The following HECTD4 variants were observed in gnomAD, a reference collection of about 807,000 sequenced individuals.
The protein encoded by HECTD4 is HECT domain E3 ubiquitin protein ligase 4.
In HECTD4, 114 loss-of-function variants were observed where a neutral mutation model predicts 471.5. That is an observed-to-expected ratio of 0.24 (90% CI 0.21 to 0.28). The LOEUF is 0.28. Among genes scored for constraint, HECTD4 ranks in the 10% least tolerant of loss-of-function variants. HECTD4 has a pLI of 1.00. For missense variants in HECTD4, 3,866 were observed against 5,651.5 expected (o/e 0.68, Z 10.13); for synonymous variants, 2,012 against 2,256.0 (o/e 0.89, Z 3.07).
intron 29 of HECTD4, 29 bp downstream of exon 29, chr12:112,246,872 G>A: frequency 6.3e-7 from 1 of 1,591,122 alleles, no homozygotes; most frequent in Non-Finnish European, 8.5e-7. Flanking sequence ...TATAACAGAA[G>A]CCGATTAGGG....
At position 112,163,053 on chromosome 12, in the gene HECTD4, T is replaced by C. The variant is rs772577788; in HGVS notation, c.13109A>G (p.Asp4370Gly). 1 of 1,609,716 alleles carries C rather than the reference T, an allele frequency of 6.2e-7. No individual in the cohort carries two copies. The highest frequency in any genetic ancestry group is 8.5e-7 in the Non-Finnish European group (1 of 1,177,182). ...GGGGAGGGCGGTACCTGCTGTGCCA[T>C]CTGGGGGGGCGATCTTCATGGGGTA... ...PPYPMKIAPP[D>G]GTAGSPDSRY... The change falls in exon 75 of 76, where the codon GAT (aspartate) becomes GGT (glycine). Residue 4370 changes from aspartate to glycine, a missense_variant. Coordinates refer to ENST00000682272, the MANE Select transcript of HECTD4 (RefSeq NM_001388303.1). The surrounding 1 kb of genome is among the most constrained non-coding windows in gnomAD (Gnocchi z 8.2).
chr12:112,263,010 ACATT>A (rs2034183998), intron 17 of HECTD4, among the ~76,000 whole-genome samples: 1 of 152,212 alleles, frequency 6.6e-6, no homozygotes, highest in South Asian at 2.1e-4. Flanking sequence ...CACACTAATG[ACATT>A]CATGATCATC....
chr12:112,209,349 G>C (rs1474119779), intron 50 of HECTD4, among the ~76,000 whole-genome samples: 1 of 132,510 alleles, frequency 7.5e-6, no homozygotes, highest in East Asian at 2.2e-4. Flanking sequence ...TTTTTGAGAT[G>C]GAGTTTCGCT....
In HECTD4 at chr12:112,266,933, G is replaced by C; in HGVS notation, c.2371C>G (p.Leu791Val). Residue 791 changes from leucine (L) to valine (V), a missense_variant, in exon 14 of 76, where the codon CTT becomes GTT. Leu to Val is a conservative substitution (Grantham distance 32, BLOSUM62 1). Around this residue, in one of 16 missense-constraint regions of HECTD4, gnomAD observed 525 missense variants for 672.6 expected, o/e 0.78. Coordinates refer to ENST00000682272, the MANE Select transcript of HECTD4 (RefSeq NM_001388303.1). ...YPGETEINNLLKLVLTEGERN... is the reference protein window; with the variant it reads ...YPGETEINNLVKLVLTEGERN... Reference sequence around the variant, plus strand: ...TTACCTTCTGTTAAGACCAGTTTAAGTAAGTTATTGATTTCAGTTTCACCT... The same window carrying C: ...TTACCTTCTGTTAAGACCAGTTTAACTAAGTTATTGATTTCAGTTTCACCT... 4 of 1,524,246 alleles carry C rather than the reference G, an allele frequency of 2.6e-6. No homozygotes were observed. The highest frequency in any genetic ancestry group is 3.6e-6 in the Non-Finnish European group (4 of 1,120,048). The allele number at this position is 1,524,246 out of a possible 1,614,324, so 94.4% of individuals were successfully genotyped here.
intron 53 of HECTD4, 142 bp downstream of exon 53, chr12:112,204,344 G>T: frequency 3.8e-6 from 3 of 794,354 alleles, no homozygotes; most frequent in Non-Finnish European, 6.1e-6. Flanking sequence ...GGCTTCACAT[G>T]GGGCGGTGTG....
intron 8 of HECTD4, 43 bp from the exon 9 acceptor site, chr12:112,279,429 A>C: frequency 6.5e-7 from 1 of 1,531,742 alleles, no homozygotes; most frequent in Non-Finnish European, 8.8e-7. Flanking sequence ...TATTTGACAC[A>C]AAAGTTAATT....
At chr12:112,187,000 A>G (rs545071636) in intron 60 of HECTD4, among the ~76,000 whole-genome samples, 20 of 148,278 alleles carry the variant, frequency 1.3e-4, no homozygotes, top group African/African-American at 4.0e-4. Flanking sequence ...TTTTTTTGAG[A>G]TGGAGTTTCG....
chr12:112,356,418 G>A (rs992928911), intron 1 of HECTD4, among the ~76,000 whole-genome samples: 3 of 151,918 alleles, frequency 2.0e-5, no homozygotes. Context: ...TTTCTGGTGT[G>A]TGTTTTTTGT....
intron 65 of HECTD4, among the ~76,000 whole-genome samples, 197 bp downstream of exon 65, chr12:112,176,399 C>G (rs954739953): frequency 3.3e-5 from 5 of 152,236 alleles, no homozygotes; most frequent in Admixed American, 6.5e-5. Context: ...GAGGGGCGAT[C>G]CCTGGCCAGG....
chr12:112,235,837 C>T lies in HECTD4; in HGVS notation c.5445-53G>A. The T allele has an allele frequency of 6.9e-7, 1 of 1,446,300 alleles. No homozygotes were observed. Among genetic ancestry groups the T allele is most frequent in the South Asian group, 1.4e-5 (1 of 72,626 alleles). The allele number at this position is 1,446,300 out of a possible 1,614,324, so 89.6% of individuals were successfully genotyped here. On this transcript the variant is annotated intron_variant, in intron 35 of 75. Transcript: ENST00000682272. This position sits in a 1 kb window ranked among gnomAD's most constrained non-coding sequence, Gnocchi z 5.0. ...AGTGCTAGAAATGTTGATCTATAGA[C>T]ATTCAGAAGCAAGAGTTCTCTGAAT...
At chr12:112,290,869 A>AAAAAAAAAAAAAAC (rs1202955175) in intron 7 of HECTD4, among the ~76,000 whole-genome samples, 1 of 151,544 alleles carries the variant, frequency 6.6e-6, no homozygotes, top group East Asian at 2.0e-4. Context: ...AAAACAAAAA[A>AAAAAAAAAAAAAAC]AAAAAACAAA....
intron 2 of HECTD4, among the ~76,000 whole-genome samples, chr12:112,317,281 GGGATCTAAAACTA>G (rs1327687171): frequency 6.6e-6 from 1 of 152,044 alleles, no homozygotes; most frequent in African/African-American, 2.4e-5. Context: ...ACAGTTTTAG[GGGATCTAAAACTA>G]GGCTATGACA....
intron 2 of HECTD4, among the ~76,000 whole-genome samples, chr12:112,318,037 G>A (rs1173337984): frequency 1.3e-5 from 2 of 151,740 alleles, no homozygotes; most frequent in Non-Finnish European, 2.9e-5. Context: ...TACTCTTGGA[G>A]GCTGAGGTGG....
chr12:112,339,293 G>A (rs1468252), intron 1 of HECTD4, among the ~76,000 whole-genome samples: 25,414 of 142,000 alleles, frequency 0.18, 4,424 homozygotes, highest in East Asian at 0.85. Context: ...CAAGAATCAT[G>A]TAACACATGC....
Position 112,213,959 on chromosome 12 carries a change from C to T in HECTD4, c.7466-1309G>A, listed in dbSNP as rs541299878. On this transcript the variant is annotated intron_variant, in intron 48 of 75. Coordinates refer to ENST00000682272, the MANE Select transcript of HECTD4 (RefSeq NM_001388303.1). The surrounding 1 kb of genome is among the most constrained non-coding windows in gnomAD (Gnocchi z 4.0). ...GTCACTTGAGCTCAGGGGGTCAAGC[C>T]TGCAGTGAGCTGTGATTGCACCACT... Among the ~76,000 whole-genome samples the T allele has an allele frequency of 1.3e-5, 2 of 151,076 alleles. No homozygotes were observed. The highest frequency in any genetic ancestry group is 2.1e-4 in the South Asian group (1 of 4,800).
chr12:112,309,298 T>C (rs944465297), intron 5 of HECTD4, among the ~76,000 whole-genome samples: 4 of 152,150 alleles, frequency 2.6e-5, no homozygotes, highest in Non-Finnish European at 5.9e-5. Flanking sequence ...AAAATACTGA[T>C]CATGGAGGAC....
rs376336161 is a variant in HECTD4 at position 112,216,916 on chromosome 12, C to T, written c.7242G>A (p.Pro2414=). ...CGATTTCAATTTCCCAGTAAAAAGA[C>T]GGGGCCTGAAGAGATGCCAGAAGAG... ...YATSPLPVQA[P]SFYWEIEIVS... Residue 2414 remains proline (P), a synonymous_variant, in exon 47 of 76, where the codon CCG becomes CCA. Transcript: ENST00000682272. 3.3e-5 allele frequency: 53 copies of T among 1,613,712 alleles called. No individual in the cohort carries two copies. Among genetic ancestry groups the T allele is most frequent in the Admixed American group, 5.0e-5 (3 of 59,992 alleles).
chr12:112,167,302 G>A lies in HECTD4; in HGVS notation c.12534+15C>T, dbSNP rs750635482. On this transcript the variant is annotated intron_variant, in intron 72 of 75. Transcript: ENST00000682272. Reference sequence around the variant, plus strand: ...CCGGGTTCTGCAGCCCCCCAGAACTGTGCCTTGCACTCACGCTCTCAAACT... The same window carrying A: ...CCGGGTTCTGCAGCCCCCCAGAACTATGCCTTGCACTCACGCTCTCAAACT... 1 of 1,597,546 alleles carries A rather than the reference G, an allele frequency of 6.3e-7. No individual in the cohort carries two copies. Among genetic ancestry groups the A allele is most frequent in the Admixed American group, 1.7e-5 (1 of 58,864 alleles).
chr12:112,313,237 A>C (rs2035406101), intron 3 of HECTD4, 90 bp from the exon 4 acceptor site: 1 of 1,019,540 alleles, frequency 9.8e-7, no homozygotes, highest in African/African-American at 1.6e-5. Context: ...TAGAAACCAA[A>C]ATTTTAAAAC....
Sources: gnomAD v4.1 joint callset for allele counts (sites outside exome capture counted in the v4.1 genomes callset) on GRCh38, gnomAD v4.1.1 for gene constraint, gnomAD v4.1.1 regional missense constraint, Gnocchi (gnomAD v3.1) non-coding constraint, MANE v1.5 for transcripts, NCBI Gene and HGNC (gene_info 2026-07-23, HGNC 2026-07-21) for gene names.